PCDHA1: variants seen among roughly 807,000 people sequenced by gnomAD.
PCDHA1 encodes the protein protocadherin alpha 1.
PCDHA1 carries 42 observed loss-of-function variants against 61.3 expected under a neutral mutation model. That is an observed-to-expected ratio of 0.69 (90% CI 0.54 to 0.89). The LOEUF (loss-of-function observed/expected upper bound fraction) is 0.89. Ranked by LOEUF, PCDHA1 falls within the 40% of genes least tolerant of loss-of-function variation. The pLI is 0.00. For synonymous variants in PCDHA1, 610 were observed against 553.8 expected (o/e 1.10, Z -1.43); for missense variants, 1,256 against 1,235.3 (o/e 1.02, Z -0.25).
chr5:140,852,781 G>C lies in PCDHA1; in HGVS notation c.2394+64097G>C, dbSNP rs1213399832. 14 of 979,508 alleles carry C rather than the reference G, an allele frequency of 1.4e-5. 1 individual carries two copies. The highest frequency in any genetic ancestry group is 6.3e-5 in the Admixed American group (1 of 15,846). 60.7% of individuals were successfully genotyped at this position (979,508 alleles called of 1,614,324 possible). ...GGTATCTGATTATTTGATGTGAATA[G>C]AGGGATGCTACAGATGTCATTTGTC... On this transcript the variant is annotated intron_variant, in intron 1 of 3. Coordinates refer to ENST00000504120, the MANE Select transcript of PCDHA1 (RefSeq NM_018900.4).
rs2150411102 is a variant in PCDHA1, at chr5:140,848,487, G to A, written c.2394+59803G>A. 8 of 1,574,380 alleles carry A rather than the reference G, an allele frequency of 5.1e-6. No individual in the cohort carries two copies. The Admixed American group carries it at 1.2e-4, about 24-fold the overall frequency. On this transcript the variant is annotated intron_variant, in intron 1 of 3. Coordinates refer to ENST00000504120, the MANE Select transcript of PCDHA1 (RefSeq NM_018900.4). ...TTTTCACTAATTAGAAGAAGACTGA[G>A]TATTTGAAATGTTATACTCAAGTCG...
intron 3 of PCDHA1, among the ~76,000 whole-genome samples, chr5:140,990,983 A>G (rs3776109): frequency 0.049 from 7,423 of 152,298 alleles, 240 homozygotes; most frequent in South Asian, 0.11. Flanking sequence ...AAAGGAAGAC[A>G]ATAGCTACCA....
chr5:140,995,073 CA>C (rs537697820), intron 3 of PCDHA1, among the ~76,000 whole-genome samples: 319 of 152,298 alleles, frequency 2.1e-3, no homozygotes, highest in African/African-American at 7.3e-3. Flanking sequence ...CAACCTACAG[CA>C]ATCCAAACTT....
chr5:140,808,455 T>C, intron 1 of PCDHA1: 1 of 1,614,220 alleles, frequency 6.2e-7, no homozygotes. Context: ...GCCTATGAGC[T>C]GGTGGTGACC....
intron 1 of PCDHA1, among the ~76,000 whole-genome samples, chr5:140,946,635 A>G (rs2094003182): frequency 1.6e-5 from 1 of 62,812 alleles, no homozygotes; most frequent in Admixed American, 1.5e-4. Flanking sequence ...TATATATACA[A>G]TGGAATACTC....
intron 1 of PCDHA1, chr5:140,966,397 G>C (rs782390663): frequency 4.5e-5 from 18 of 404,120 alleles, no homozygotes; most frequent in Admixed American, 2.2e-4. Flanking sequence ...CCGCCACTTC[G>C]GCGCGGAATC....
At chr5:140,852,398 C>T (rs150537989) in intron 1 of PCDHA1, 9,331 of 183,690 alleles carry the variant, frequency 0.051, 796 homozygotes, top group Middle Eastern at 0.071. Context: ...CTGCCTCAGC[C>T]TCCTGAGTAG....
chr5:141,008,999 G>A (rs1389698923), intron 3 of PCDHA1, among the ~76,000 whole-genome samples: 1 of 152,200 alleles, frequency 6.6e-6, no homozygotes, highest in African/African-American at 2.4e-5. Context: ...ACTAAAAGGA[G>A]CATATTTTGC....
chr5:140,989,633 A>AGG (rs2097351730), intron 3 of PCDHA1, among the ~76,000 whole-genome samples: 1 of 152,226 alleles, frequency 6.6e-6, no homozygotes. Flanking sequence ...AGTGACAGCA[A>AGG]GGGTCTTTCA....
intron 1 of PCDHA1, chr5:140,813,079 T>C (rs2126643800): frequency 1.3e-5 from 2 of 152,228 alleles, no homozygotes; most frequent in Non-Finnish European, 2.9e-5. Context: ...TCCTGGAAAA[T>C]GCTCTGAGTG....
At chr5:140,879,026 A>G (rs1381722750) in intron 1 of PCDHA1, among the ~76,000 whole-genome samples, 2 of 152,234 alleles carry the variant, frequency 1.3e-5, no homozygotes, top group Non-Finnish European at 2.9e-5. Context: ...GTTTTATTGA[A>G]GAGTGTCTTG....
intron 1 of PCDHA1, among the ~76,000 whole-genome samples, chr5:140,791,677 G>T (rs1554118698): frequency 2.6e-5 from 4 of 152,072 alleles, no homozygotes; most frequent in Non-Finnish European, 5.9e-5. Flanking sequence ...TAGATAACTT[G>T]AATTCCATGG....
At chr5:140,964,107 G>A (rs1298844061) in intron 1 of PCDHA1, among the ~76,000 whole-genome samples, 1 of 152,090 alleles carries the variant, frequency 6.6e-6, no homozygotes, top group Non-Finnish European at 1.5e-5. Flanking sequence ...AACAGTCTGA[G>A]CAATCACATT....
intron 1 of PCDHA1, chr5:140,927,113 A>G (rs782135853): frequency 1.9e-6 from 3 of 1,613,684 alleles, no homozygotes; most frequent in African/African-American, 1.3e-5. Context: ...CCCAGCGGCA[A>G]TTTGGTGGTC....
intron 3 of PCDHA1, among the ~76,000 whole-genome samples, chr5:141,003,283 G>A (rs1331116001): frequency 3.3e-5 from 5 of 152,188 alleles, no homozygotes; most frequent in African/African-American, 1.2e-4. Flanking sequence ...GCCCAAATTG[G>A]ATTATAGGAT....
chr5:140,870,510 A>T, intron 1 of PCDHA1: 1 of 1,614,220 alleles, frequency 6.2e-7, no homozygotes, highest in Non-Finnish European at 8.5e-7. Context: ...ACAACCCACC[A>T]GGCTGCCACA....
chr5:140,911,693 CAAAT>C, intron 1 of PCDHA1, among the ~76,000 whole-genome samples: 1 of 152,156 alleles, frequency 6.6e-6, no homozygotes, highest in East Asian at 1.9e-4. Flanking sequence ...TCAGGAGTGT[CAAAT>C]GAATTTATTT....
intron 1 of PCDHA1, among the ~76,000 whole-genome samples, chr5:140,931,201 A>G (rs1444701917): frequency 2.6e-5 from 4 of 152,176 alleles, no homozygotes; most frequent in Admixed American, 2.6e-4. Context: ...CTACAATGCT[A>G]GTATTTCAGG....
chr5:140,903,818 T>A (rs1554191152), intron 1 of PCDHA1, among the ~76,000 whole-genome samples: 1 of 152,202 alleles, frequency 6.6e-6, no homozygotes. Context: ...AGTTCTCACA[T>A]GAATGTCTGT....
Sources: allele counts gnomAD v4.1 joint callset (sites outside exome capture counted in the v4.1 genomes callset), GRCh38; gene constraint gnomAD v4.1.1; transcripts MANE v1.5; gene names NCBI Gene and HGNC (gene_info 2026-07-23, HGNC 2026-07-21).